PCDHGA2: variants seen among roughly 807,000 people sequenced by gnomAD.
PCDHGA2 encodes protocadherin gamma-A2.
In PCDHGA2, 40 loss-of-function variants were observed where a neutral mutation model predicts 59.2. The ratio of observed to expected loss-of-function variants is 0.68; its 90% CI spans 0.52 to 0.88. PCDHGA2 has a LOEUF of 0.88. PCDHGA2 is among the 40% of genes least tolerant of loss of function. The pLI is 0.00. For missense variants in PCDHGA2, 1,226 were observed against 1,204.0 expected, an observed-to-expected ratio of 1.02 and a Z score of -0.27; for synonymous variants, 560 against 526.0, an observed-to-expected ratio of 1.06 and a Z score of -0.89.
In PCDHGA2 at chr5:141,346,144, T is replaced by C. The variant is rs1486815820; in HGVS notation, c.2424+4749T>C. 4 of 1,613,830 alleles carry C rather than the reference T, an allele frequency of 2.5e-6. No individual in the cohort carries two copies. Among genetic ancestry groups the C allele is most frequent in the Admixed American group, 3.3e-5 (2 of 59,998 alleles). On this transcript the variant is annotated intron_variant, in intron 1 of 3. Coordinates refer to ENST00000394576, the MANE Select transcript of PCDHGA2 (RefSeq NM_018915.4). ...GCGGTGGCCGCGGTCTCCTGCGTCT[T>C]CCTGGCCTTCGTCATCGTGCTGCTG...
intron 1 of PCDHGA2, chr5:141,419,779 G>A (rs1439735185): frequency 1.2e-6 from 2 of 1,614,064 alleles, no homozygotes; most frequent in Non-Finnish European, 8.5e-7. Flanking sequence ...CGGTCCGCCA[G>A]CGCCTGCTAG....
In PCDHGA2 at chr5:141,431,620, G is replaced by T; in HGVS notation, c.2425-63187G>T. 6.2e-7 allele frequency: 1 copy of T among 1,614,232 alleles called. No individual in the cohort carries two copies. The highest frequency in any genetic ancestry group is 8.5e-7 in the Non-Finnish European group (1 of 1,180,050). Reference sequence around the variant, plus strand: ...ATTCCTTCCGGTATGTGGACGACAAGGCGGCCCAAGTTTTCAAACTAGATT... The same window carrying T: ...ATTCCTTCCGGTATGTGGACGACAATGCGGCCCAAGTTTTCAAACTAGATT... On this transcript the variant is annotated intron_variant, in intron 1 of 3. Transcript: ENST00000394576. The surrounding 1 kb of genome is among the most constrained non-coding windows in gnomAD (Gnocchi z 4.8).
chr5:141,404,043 C>G (rs781644500), intron 1 of PCDHGA2: 1 of 1,613,726 alleles, frequency 6.2e-7, no homozygotes, highest in African/African-American at 1.3e-5. Flanking sequence ...CCTCAGGGAA[C>G]AGTAATTCTT....
intron 1 of PCDHGA2, chr5:141,423,553 T>G: frequency 2.5e-6 from 4 of 1,613,548 alleles, no homozygotes; most frequent in Non-Finnish European, 3.4e-6. Flanking sequence ...CCAGCCCAAC[T>G]ATGGGGACAC....
intron 1 of PCDHGA2, chr5:141,359,943 T>C (rs1020359100): frequency 6.0e-6 from 3 of 500,182 alleles, no homozygotes; most frequent in Non-Finnish European, 9.9e-6. Flanking sequence ...GCGTCGCTGT[T>C]GGTCAAAAGA....
chr5:141,429,547 A>C (rs2097222392), intron 1 of PCDHGA2, among the ~76,000 whole-genome samples: 1 of 152,196 alleles, frequency 6.6e-6, no homozygotes, highest in Non-Finnish European at 1.5e-5. Flanking sequence ...AGAACATGGT[A>C]ATGATTTGAT....
intron 1 of PCDHGA2, among the ~76,000 whole-genome samples, chr5:141,354,541 G>A (rs967505809): frequency 2.0e-5 from 3 of 152,200 alleles, no homozygotes; most frequent in African/African-American, 4.8e-5. Flanking sequence ...AGGTTCTAGA[G>A]GGTCAACTCC....
intron 1 of PCDHGA2, chr5:141,346,212 G>A: frequency 6.2e-7 from 1 of 1,614,182 alleles, no homozygotes; most frequent in Non-Finnish European, 8.5e-7. Flanking sequence ...CCTGCTGCAG[G>A]CTTCGGGAGG....
chr5:141,409,849 C>A (rs772503820), intron 1 of PCDHGA2: 1 of 1,612,106 alleles, frequency 6.2e-7, no homozygotes, highest in South Asian at 1.1e-5. Context: ...TGAGCCTGCG[C>A]GTGTTGGTGG....
Position 141,351,711 on chromosome 5 carries a change from CCTA to C in PCDHGA2, c.2424+10319_2424+10321del, listed in dbSNP as rs549925398. On this transcript the variant is annotated intron_variant, in intron 1 of 3. Transcript: ENST00000394576. ...GATTTGGGACCCAACGGCAGAGTCT[CCTA>C]CTCTATTCTGGCCAGTGACCTGGAG... 1.1e-4 allele frequency: 173 copies of C among 1,613,916 alleles called. 1 individual carries two copies. In the African/African-American group the frequency reaches 2.0e-3, roughly 18 times the overall value.
Position 141,487,904 on chromosome 5 carries a change from G to A in PCDHGA2, c.2425-6903G>A, listed in dbSNP as rs1229814755. On this transcript the variant is annotated intron_variant, in intron 1 of 3. Coordinates refer to ENST00000394576, the MANE Select transcript of PCDHGA2 (RefSeq NM_018915.4). The surrounding 1 kb of genome is among the most constrained non-coding windows in gnomAD (Gnocchi z 5.0). ...TGTGGAAGCATGATGATGGAATGTG[G>A]GAGCACAGGAGGCTACAGTGCACAG... 8.8e-6 allele frequency: 6 copies of A among 685,686 alleles called. No individual in the cohort carries two copies. The highest frequency in any genetic ancestry group is 1.5e-5 in the Non-Finnish European group (6 of 410,118). 42.5% of individuals were successfully genotyped at this position (685,686 alleles called of 1,614,324 possible). A position where few individuals can be genotyped will look rare whatever the true frequency, so the allele number is the denominator to read the frequency against.
At position 141,491,798 on chromosome 5, in the gene PCDHGA2, G is replaced by A. The variant is rs1269524283; in HGVS notation, c.2425-3009G>A. 1 of 1,506,648 alleles carries A rather than the reference G, an allele frequency of 6.6e-7. No homozygotes were observed. The highest frequency in any genetic ancestry group is 8.9e-7 in the Non-Finnish European group (1 of 1,128,050). The allele number at this position is 1,506,648 out of a possible 1,614,324, so 93.3% of individuals were successfully genotyped here. ...TTGAACTTGCATCCACTCCTCTCCG[G>A]CCGGCTTGGTCGCTGGCTGCGCTCC... On this transcript the variant is annotated intron_variant, in intron 1 of 3. Coordinates refer to ENST00000394576, the MANE Select transcript of PCDHGA2 (RefSeq NM_018915.4). This position sits in a 1 kb window ranked among gnomAD's most constrained non-coding sequence, Gnocchi z 6.9.
At chr5:141,444,873 C>T (rs1298516499) in intron 1 of PCDHGA2, among the ~76,000 whole-genome samples, 1 of 152,080 alleles carries the variant, frequency 6.6e-6, no homozygotes, top group African/African-American at 2.4e-5. Flanking sequence ...CAGGACAAAG[C>T]TTGTAGGATT....
At position 141,445,006 on chromosome 5, in the gene PCDHGA2, G is replaced by A. The variant is rs550056654; in HGVS notation, c.2425-49801G>A. Among the ~76,000 whole-genome samples, 51 of 152,044 alleles carry A rather than the reference G, an allele frequency of 3.4e-4. 2 individuals are homozygous for A. The South Asian group carries it at 9.6e-3, about 28-fold the overall frequency. ...CATGGTATATATTTCCATTTAATTA[G>A]GTCTTTAATTTCTCTCAGCTATGTT... On this transcript the variant is annotated intron_variant, in intron 1 of 3. Transcript: ENST00000394576.
At chr5:141,405,369 T>C in intron 1 of PCDHGA2, 3 of 1,606,526 alleles carry the variant, frequency 1.9e-6, no homozygotes, top group Non-Finnish European at 2.5e-6. Context: ...GACACCCCTT[T>C]GGTTCCGGTG....
At chr5:141,395,099 C>A (rs1337134243) in intron 1 of PCDHGA2, 1 of 1,614,228 alleles carries the variant, frequency 6.2e-7, no homozygotes. Flanking sequence ...TCACCGCCGA[C>A]TCGCGGAAGA....
chr5:141,341,295 A>G lies in PCDHGA2; in HGVS notation c.2324A>G (p.Tyr775Cys), dbSNP rs1200600644. The change falls in exon 1 of 4, where the codon TAT (tyrosine) becomes TGT (cysteine). Residue 775 changes from tyrosine (Y) to cysteine (C), a missense_variant. Tyr to Cys is a radical substitution (Grantham distance 194). Transcript: ENST00000394576. ...KSHLIFPQPN[Y>C]ADTLISQESC... Reference sequence around the variant, plus strand: ...CACCTGATTTTCCCCCAGCCCAACTATGCGGACACGCTCATCAGCCAGGAG... The same window carrying G: ...CACCTGATTTTCCCCCAGCCCAACTGTGCGGACACGCTCATCAGCCAGGAG... The G allele has an allele frequency of 1.9e-6, 3 of 1,614,100 alleles. No homozygotes were observed. The highest frequency in any genetic ancestry group is 1.1e-5 in the South Asian group (1 of 91,088).
At chr5:141,502,499 C>A (rs552402476) in intron 2 of PCDHGA2, among the ~76,000 whole-genome samples, 12 of 152,122 alleles carry the variant, frequency 7.9e-5, no homozygotes, top group Non-Finnish European at 2.9e-5. Flanking sequence ...CATCTAACGT[C>A]GGCCTGTCCC....
rs1224625072 is a variant in PCDHGA2 at position 141,490,972 on chromosome 5, C to A, written c.2425-3835C>A. On this transcript the variant is annotated intron_variant, in intron 1 of 3. Transcript: ENST00000394576. The surrounding 1 kb of genome is among the most constrained non-coding windows in gnomAD (Gnocchi z 5.4). ...AGACTGGGAACACTCAGCCCCCCAG[C>A]GTCTCCCTCGCTCTGCTCCTCCTGG... is the stretch of plus-strand genomic sequence containing the variant. 2 of 1,613,912 alleles carry A rather than the reference C, an allele frequency of 1.2e-6. No individual in the cohort carries two copies. Among genetic ancestry groups the A allele is most frequent in the Non-Finnish European group, 1.7e-6 (2 of 1,179,922 alleles).
Sources: allele counts gnomAD v4.1 joint callset (sites outside exome capture counted in the v4.1 genomes callset), GRCh38; gene constraint gnomAD v4.1.1; non-coding constraint Gnocchi (gnomAD v3.1); transcripts MANE v1.5; gene names NCBI Gene and HGNC (gene_info 2026-07-23, HGNC 2026-07-21).